PRKCE: variants seen among roughly 807,000 people sequenced by gnomAD.
The protein encoded by PRKCE is protein kinase C epsilon type.
Under a neutral mutation model 85.4 loss-of-function variants are expected in PRKCE, and 16 were observed. That is an observed-to-expected ratio of 0.19 (90% CI 0.13 to 0.28). The LOEUF (loss-of-function observed/expected upper bound fraction) is 0.28. PRKCE is among the 10% of genes least tolerant of loss of function. The pLI, the probability that PRKCE is intolerant of heterozygous loss-of-function variation, is 1.00. For synonymous variants in PRKCE, 388 were observed against 371.5 expected (o/e 1.04, Z -0.51); for missense variants, 573 against 975.2 (o/e 0.59, Z 5.49).
intron 2 of PRKCE, among the ~76,000 whole-genome samples, chr2:45,940,214 A>G (rs1699776758): frequency 6.6e-6 from 1 of 152,112 alleles, no homozygotes. Flanking sequence ...CCTCAGCAAG[A>G]TGTGTGTCTA....
At chr2:46,179,570 G>A (rs1020304817) in intron 14 of PRKCE, among the ~76,000 whole-genome samples, 2 of 152,136 alleles carry the variant, frequency 1.3e-5, no homozygotes, top group East Asian at 1.9e-4. Context: ...AGAGGGAATC[G>A]GAATGTTGTT....
chr2:46,169,337 T>C lies in PRKCE; in HGVS notation c.2067+9585T>C, dbSNP rs138696118. ...ATTTGACTAATACACAGTGGGTTTG[T>C]GAAGGTTCATTAAGTTTCCACATCA... On this transcript the variant is annotated intron_variant, in intron 14 of 14. Coordinates refer to ENST00000306156, the MANE Select transcript of PRKCE (RefSeq NM_005400.3). Among the ~76,000 whole-genome samples, 395 of 152,318 alleles carry C rather than the reference T, an allele frequency of 2.6e-3. 4 individuals are homozygous for C. Among genetic ancestry groups the C allele is most frequent in the African/African-American group, 8.9e-3 (371 of 41,564 alleles).
At chr2:46,080,250 G>A (rs1668944576) in intron 10 of PRKCE, among the ~76,000 whole-genome samples, 1 of 152,174 alleles carries the variant, frequency 6.6e-6, no homozygotes, top group Non-Finnish European at 1.5e-5. Context: ...AAATGTGTTA[G>A]ATTTGGAGGT....
Position 46,145,789 on chromosome 2 carries a change from G to C in PRKCE, c.1731+558G>C, listed in dbSNP as rs1676016491. ...AGGCTGAGGTGAAAGGATCAATTGAGCCCAGAAGGTTGAGGCTATAGTGAG... is the reference window on the plus strand; with the variant it reads ...AGGCTGAGGTGAAAGGATCAATTGACCCCAGAAGGTTGAGGCTATAGTGAG... On this transcript the variant is annotated intron_variant, in intron 12 of 14. Coordinates refer to ENST00000306156, the MANE Select transcript of PRKCE (RefSeq NM_005400.3). The surrounding 1 kb of genome is among the most constrained non-coding windows in gnomAD (Gnocchi z 4.6). Among the ~76,000 whole-genome samples the C allele has an allele frequency of 6.6e-6, 1 of 151,988 alleles. No homozygotes were observed. The highest frequency in any genetic ancestry group is 2.1e-4 in the South Asian group (1 of 4,822).
intron 1 of PRKCE, among the ~76,000 whole-genome samples, chr2:45,823,107 G>A (rs374424101): frequency 2.6e-5 from 4 of 152,208 alleles, no homozygotes; most frequent in African/African-American, 9.7e-5. Flanking sequence ...GGCTCCTACT[G>A]AAGTTGTTCC....
At chr2:45,941,486 C>T (rs551906207) in intron 2 of PRKCE, among the ~76,000 whole-genome samples, 13 of 152,162 alleles carry the variant, frequency 8.5e-5, no homozygotes, top group South Asian at 4.2e-4. Flanking sequence ...CAGGCACGGA[C>T]GGATGTTTAT....
intron 10 of PRKCE, among the ~76,000 whole-genome samples, chr2:46,070,731 G>C (rs1050946892): frequency 2.0e-5 from 3 of 152,144 alleles, no homozygotes; most frequent in Non-Finnish European, 4.4e-5. Flanking sequence ...GTAACAGAAA[G>C]AGCCCCTGGC....
chr2:45,843,105 C>A lies in PRKCE; in HGVS notation c.412+42C>A, dbSNP rs1388797522. The A allele has an allele frequency of 1.9e-6, 3 of 1,569,066 alleles. No homozygotes were observed. In the South Asian group the frequency reaches 3.3e-5, roughly 17 times the overall value. On this transcript the variant is annotated intron_variant, in intron 2 of 14. Coordinates refer to ENST00000306156, the MANE Select transcript of PRKCE (RefSeq NM_005400.3). ...TCTCATCCCTGTTTTCTTCCATTGG[C>A]CCTTTGCCTTCTGGGTCTCTTCTTT...
In PRKCE at chr2:45,658,014, C is replaced by A. The variant is rs553633320; in HGVS notation, c.348+5566C>A. Among the ~76,000 whole-genome samples the A allele has an allele frequency of 1.2e-3, 179 of 152,316 alleles. 1 individual carries two copies. Among genetic ancestry groups the A allele is most frequent in the African/African-American group, 4.0e-3 (167 of 41,570 alleles). ...ATATATGTTACTCTAGAGCACATCT[C>A]TATCTTCAGGACATTTGTAGGAAAA... On this transcript the variant is annotated intron_variant, in intron 1 of 14. Coordinates refer to ENST00000306156, the MANE Select transcript of PRKCE (RefSeq NM_005400.3).
chr2:45,798,371 C>T (rs1182078893), intron 1 of PRKCE, among the ~76,000 whole-genome samples: 1 of 152,122 alleles, frequency 6.6e-6, no homozygotes, highest in Non-Finnish European at 1.5e-5. Context: ...ATTTGGAAGC[C>T]CAAGCTCTCC....
intron 1 of PRKCE, among the ~76,000 whole-genome samples, chr2:45,687,557 C>T (rs896982365): frequency 5.9e-5 from 9 of 152,184 alleles, no homozygotes; most frequent in Admixed American, 5.2e-4. Context: ...AATTCCACTT[C>T]CAGAAATGTT....
At chr2:45,871,205 T>G (rs1694062436) in intron 2 of PRKCE, among the ~76,000 whole-genome samples, 1 of 152,236 alleles carries the variant, frequency 6.6e-6, no homozygotes, top group Non-Finnish European at 1.5e-5. Flanking sequence ...TGGCCTGGTC[T>G]GTTAGTCCCA....
intron 10 of PRKCE, among the ~76,000 whole-genome samples, chr2:46,074,567 C>G (rs1392774315): frequency 6.6e-6 from 1 of 152,088 alleles, no homozygotes; most frequent in Non-Finnish European, 1.5e-5. Context: ...CTGCAGTATT[C>G]AGTACTTGAG....
chr2:45,754,991 A>G (rs1225510934), intron 1 of PRKCE, among the ~76,000 whole-genome samples: 1 of 152,184 alleles, frequency 6.6e-6, no homozygotes, highest in Non-Finnish European at 1.5e-5. Flanking sequence ...CAGCAAGACT[A>G]CGGCGTAGAT....
At chr2:45,668,397 T>C (rs1417377089) in intron 1 of PRKCE, among the ~76,000 whole-genome samples, 2 of 152,154 alleles carry the variant, frequency 1.3e-5, no homozygotes, top group Non-Finnish European at 2.9e-5. Flanking sequence ...AAATATAAAT[T>C]GTGGATGATG....
intron 10 of PRKCE, among the ~76,000 whole-genome samples, chr2:46,071,069 T>A (rs1353034121): frequency 6.6e-6 from 1 of 152,216 alleles, no homozygotes; most frequent in African/African-American, 2.4e-5. Context: ...GTAAACCAAA[T>A]GCGTAGAGAT....
rs77969577 is a variant in PRKCE at position 45,920,603 on chromosome 2, T to C, written c.413-55826T>C. 2.9e-4 allele frequency among the ~76,000 whole-genome samples: 44 copies of C among 152,326 alleles called. No individual in the cohort carries two copies. In the East Asian group the frequency reaches 8.1e-3, roughly 28 times the overall value. On this transcript the variant is annotated intron_variant, in intron 2 of 14. Coordinates refer to ENST00000306156, the MANE Select transcript of PRKCE (RefSeq NM_005400.3). ...CTGACATGGATGACCCTTGATGATATTAAGCTAAGTCACCAATGTCAGATT... is the reference window on the plus strand; with the variant it reads ...CTGACATGGATGACCCTTGATGATACTAAGCTAAGTCACCAATGTCAGATT...
intron 10 of PRKCE, among the ~76,000 whole-genome samples, chr2:46,016,772 G>A (rs569533979): frequency 2.0e-5 from 3 of 151,916 alleles, no homozygotes; most frequent in Admixed American, 6.6e-5. Context: ...ATCCGGACAC[G>A]GTGGCGGGCA....
At chr2:45,664,576 T>G (rs1335513348) in intron 1 of PRKCE, among the ~76,000 whole-genome samples, 2 of 152,180 alleles carry the variant, frequency 1.3e-5, no homozygotes, top group Non-Finnish European at 2.9e-5. Context: ...GGAGTTGGGT[T>G]TGCTATATTC....
Sources: allele counts gnomAD v4.1 joint callset (sites outside exome capture counted in the v4.1 genomes callset), GRCh38; gene constraint gnomAD v4.1.1; non-coding constraint Gnocchi (gnomAD v3.1); transcripts MANE v1.5; gene names NCBI Gene and HGNC (gene_info 2026-07-23, HGNC 2026-07-21).